Variants in KDM4B observed in about 807,000 individuals in gnomAD.
KDM4B encodes the protein lysine demethylase 4B.
A neutral mutation model predicts 125.2 loss-of-function variants in KDM4B; 32 were observed. That is an observed-to-expected ratio of 0.26 (90% confidence interval 0.19 to 0.34). KDM4B has a LOEUF of 0.34. Among genes scored for constraint, KDM4B ranks in the 10% least tolerant of loss-of-function variants. KDM4B has a pLI of 1.00. For missense variants in KDM4B, 1,190 were observed against 1,577.7 expected (o/e 0.75, Z 4.16); for synonymous variants, 721 against 677.9 (o/e 1.06, Z -0.99).
chr19:5,099,156 G>A (rs1018477910), intron 9 of KDM4B, among the ~76,000 whole-genome samples: 3 of 152,204 alleles, frequency 2.0e-5, no homozygotes, highest in Admixed American at 1.3e-4. Flanking sequence ...GGCACCAGAA[G>A]GCCCATTTGT....
At chr19:5,033,078 G>T (rs569682561) in intron 3 of KDM4B, 47 bp downstream of exon 3, 3 of 1,591,748 alleles carry the variant, frequency 1.9e-6, no homozygotes, top group South Asian at 2.2e-5. Flanking sequence ...AGCCTGCGCC[G>T]CGGGCCTGCG....
intron 1 of KDM4B, among the ~76,000 whole-genome samples, chr19:5,007,061 G>A (rs751736576): frequency 6.6e-6 from 1 of 152,094 alleles, no homozygotes; most frequent in African/African-American, 2.4e-5. Context: ...TGGGCGGAAC[G>A]GGGGAGGCGG....
chr19:5,078,760 G>C lies in KDM4B; in HGVS notation c.780+1290G>C, dbSNP rs920028034. On this transcript the variant is annotated intron_variant, in intron 8 of 22. Transcript: ENST00000159111. This position sits in a 1 kb window ranked among gnomAD's most constrained non-coding sequence, Gnocchi z 4.5. ...TTATCTGTAAAGTTCCTGAACCTGA[G>C]CCAAAGGTGGCTCACCACCAGCCTC... is the stretch of plus-strand genomic sequence containing the variant. The C allele has an allele frequency of 3.3e-5, 5 of 152,096 alleles. No individual in the cohort carries two copies. The East Asian group carries it at 7.8e-4, about 24-fold the overall frequency. 9.4% of individuals were successfully genotyped at this position (152,096 alleles called of 1,614,324 possible). A position where few individuals can be genotyped will look rare whatever the true frequency, so the allele number is the denominator to read the frequency against.
At chr19:5,029,198 A>T (rs1284710601) in intron 2 of KDM4B, among the ~76,000 whole-genome samples, 2 of 152,214 alleles carry the variant, frequency 1.3e-5, no homozygotes, top group African/African-American at 4.8e-5. Context: ...GGCATGAGCC[A>T]CCGCGCCCAC....
rs1256667702 is a variant in KDM4B at position 5,153,382 on chromosome 19, G to C, written c.*1871G>C. The C allele has an allele frequency of 1.3e-5, 2 of 152,422 alleles. No individual in the cohort carries two copies. The highest frequency in any genetic ancestry group is 3.9e-4 in the East Asian group (2 of 5,184). 9.4% of individuals were successfully genotyped at this position (152,422 alleles called of 1,614,324 possible). A position where few individuals can be genotyped will look rare whatever the true frequency, so the allele number is the denominator to read the frequency against. On this transcript the variant is annotated 3_prime_UTR_variant, in exon 23 of 23. Coordinates refer to ENST00000159111, the MANE Select transcript of KDM4B (RefSeq NM_015015.3). ...GGGGGTCACACCCATCCCCTGGTGG[G>C]CTCCTGGGCGGCCTGCGCAGATGGG...
In KDM4B at chr19:5,081,860, G is replaced by GTCT. The variant is rs977486683; in HGVS notation, c.781-505_781-503dup. Among the ~76,000 whole-genome samples, 3 of 152,230 alleles carry GTCT rather than the reference G, an allele frequency of 2.0e-5. No individual in the cohort carries two copies. Among genetic ancestry groups the GTCT allele is most frequent in the African/African-American group, 7.2e-5 (3 of 41,462 alleles). On this transcript the variant is annotated intron_variant, in intron 8 of 22. Coordinates refer to ENST00000159111, the MANE Select transcript of KDM4B (RefSeq NM_015015.3). The surrounding 1 kb of genome is among the most constrained non-coding windows in gnomAD (Gnocchi z 4.2). ...AGAAGGTGTCCTGAGCGCGTGCAGT[G>GTCT]TCTTGTCTTCAGAGCACTCTAAAGC...
intron 6 of KDM4B, among the ~76,000 whole-genome samples, chr19:5,053,044 G>A (rs1269783670): frequency 6.6e-6 from 1 of 152,250 alleles, no homozygotes; most frequent in Non-Finnish European, 1.5e-5. Flanking sequence ...TTGGTGTCCC[G>A]ACAGGGGTGG....
chr19:5,137,238 C>G, intron 15 of KDM4B, 24 bp from the exon 16 acceptor site: 1 of 1,552,576 alleles, frequency 6.4e-7, no homozygotes, highest in Non-Finnish European at 8.7e-7. Context: ...CCCCAGATCT[C>G]AGCCAGCCCC....
chr19:5,044,402 G>A (rs1041104005), intron 5 of KDM4B, among the ~76,000 whole-genome samples: 4 of 146,176 alleles, frequency 2.7e-5, no homozygotes, highest in Non-Finnish European at 6.0e-5. Flanking sequence ...GGAGTGGGGT[G>A]TCCACCTTAT....
intron 9 of KDM4B, among the ~76,000 whole-genome samples, chr19:5,096,454 A>G (rs374172404): frequency 7.2e-5 from 11 of 152,198 alleles, no homozygotes; most frequent in Middle Eastern, 3.4e-3. Flanking sequence ...GTCACCTTGG[A>G]TGGGGAGCAC....
chr19:5,111,084 G>A (rs899244892), intron 10 of KDM4B, among the ~76,000 whole-genome samples: 7 of 152,088 alleles, frequency 4.6e-5, no homozygotes, highest in African/African-American at 1.2e-4. Flanking sequence ...GTTCACACCC[G>A]CGGGCTCCCC....
At chr19:5,125,639 A>G (rs1207780179) in intron 11 of KDM4B, among the ~76,000 whole-genome samples, 1 of 152,160 alleles carries the variant, frequency 6.6e-6, no homozygotes, top group Non-Finnish European at 1.5e-5. Flanking sequence ...TGCATCTCTG[A>G]GGCCTGTGGC....
chr19:5,137,474 C>G, intron 16 of KDM4B, 136 bp downstream of exon 16: 1 of 1,187,146 alleles, frequency 8.4e-7, no homozygotes, highest in Non-Finnish European at 1.2e-6. Flanking sequence ...GGGGTGGAAC[C>G]CAAGGGATTC....
chr19:5,003,120 G>A (rs2035445034), intron 1 of KDM4B, among the ~76,000 whole-genome samples: 3 of 152,078 alleles, frequency 2.0e-5, no homozygotes, highest in South Asian at 2.1e-4. Flanking sequence ...GTTCATTCTC[G>A]CAGAGGTGCG....
chr19:5,109,029 A>T (rs543643667), intron 9 of KDM4B, among the ~76,000 whole-genome samples: 4 of 152,066 alleles, frequency 2.6e-5, no homozygotes, highest in Non-Finnish European at 5.9e-5. Flanking sequence ...CCGCAGGTCA[A>T]CTCTGTCCCT....
chr19:5,130,695 G>T (rs1487559356), intron 11 of KDM4B, among the ~76,000 whole-genome samples: 2 of 152,212 alleles, frequency 1.3e-5, no homozygotes. Flanking sequence ...AGTGCCATTT[G>T]GTACGGCCCA....
At chr19:5,099,828 C>G (rs980472267) in intron 9 of KDM4B, among the ~76,000 whole-genome samples, 1 of 152,214 alleles carries the variant, frequency 6.6e-6, no homozygotes, top group African/African-American at 2.4e-5. Context: ...TGACCCTCAC[C>G]AGACACCAAA....
chr19:5,139,201 C>T (rs1329612155), intron 18 of KDM4B, among the ~76,000 whole-genome samples: 1 of 152,170 alleles, frequency 6.6e-6, no homozygotes, highest in Non-Finnish European at 1.5e-5. Flanking sequence ...GGATTACAGG[C>T]GCGAGTGGTG....
chr19:5,065,239 G>A (rs920002645), intron 6 of KDM4B, among the ~76,000 whole-genome samples: 2 of 152,224 alleles, frequency 1.3e-5, no homozygotes, highest in African/African-American at 4.8e-5. Context: ...CTGTGGGATG[G>A]TGCCCAGGGG....
Sources: allele counts gnomAD v4.1 joint callset (sites outside exome capture counted in the v4.1 genomes callset), GRCh38; gene constraint gnomAD v4.1.1; non-coding constraint Gnocchi (gnomAD v3.1); transcripts MANE v1.5; gene names NCBI Gene and HGNC (gene_info 2026-07-23, HGNC 2026-07-21).